The following ST3GAL6 variants were observed in gnomAD, a reference collection of about 807,000 sequenced individuals.
ST3GAL6 encodes the protein type 2 lactosamine alpha-2,3-sialyltransferase.
Under a neutral mutation model 40.5 loss-of-function variants are expected in ST3GAL6, and 31 were observed. The observed-to-expected ratio is 0.77, with a 90% CI of 0.58 to 1.03. The LOEUF (loss-of-function observed/expected upper bound fraction) is 1.03. ST3GAL6 is among the 50% of genes least tolerant of loss of function. The pLI, the probability that ST3GAL6 is intolerant of heterozygous loss-of-function variation, is 0.00. For missense variants in ST3GAL6, 357 were observed against 393.2 expected (o/e 0.91, Z 0.78); for synonymous variants, 129 against 136.9 (o/e 0.94, Z 0.40).
At chr3:98,764,606 G>T (rs899316139) in intron 1 of ST3GAL6, among the ~76,000 whole-genome samples, 9 of 152,304 alleles carry the variant, frequency 5.9e-5, no homozygotes, top group South Asian at 4.1e-4. Context: ...TCACATCTAG[G>T]GGGAGGTAGT....
At chr3:98,776,444 G>T (rs1011322534) in intron 5 of ST3GAL6, among the ~76,000 whole-genome samples, 6 of 152,308 alleles carry the variant, frequency 3.9e-5, no homozygotes, top group African/African-American at 1.2e-4. Context: ...ACTGCCTTTG[G>T]CAGGAGAGTC....
intron 6 of ST3GAL6, among the ~76,000 whole-genome samples, chr3:98,786,549 G>T (rs559817846): frequency 2.6e-5 from 4 of 152,300 alleles, no homozygotes; most frequent in African/African-American, 7.2e-5. Context: ...GCTGGACTAG[G>T]TCGAAGAGGG....
At chr3:98,733,530 C>T (rs902565234) in intron 1 of ST3GAL6, 5 of 985,738 alleles carry the variant, frequency 5.1e-6, no homozygotes, top group Admixed American at 1.2e-4. Flanking sequence ...CCCTTTTTCC[C>T]TCCACAATGG....
chr3:98,787,933 T>TAA, intron 6 of ST3GAL6, 103 bp from the exon 7 acceptor site: 3 of 1,006,466 alleles, frequency 3.0e-6, no homozygotes, highest in Non-Finnish European at 4.3e-6. Context: ...GAGCACAGGA[T>TAA]AAAAGGCTGA....
chr3:98,774,348 C>G (rs1302450944), intron 5 of ST3GAL6, among the ~76,000 whole-genome samples: 2 of 152,158 alleles, frequency 1.3e-5, no homozygotes, highest in East Asian at 3.9e-4. Context: ...ATGCATCCTC[C>G]AAACTACTGA....
chr3:98,776,765 G>C (rs1213498433), intron 5 of ST3GAL6, among the ~76,000 whole-genome samples: 1 of 152,132 alleles, frequency 6.6e-6, no homozygotes, highest in South Asian at 2.1e-4. Flanking sequence ...CATCCTCTTT[G>C]TCCCTTCTAG....
intron 1 of ST3GAL6, among the ~76,000 whole-genome samples, chr3:98,746,067 A>G (rs752004754): frequency 3.3e-5 from 5 of 152,142 alleles, no homozygotes; most frequent in Non-Finnish European, 5.9e-5. Context: ...GGTTGGATAG[A>G]TGGATGGATG....
At chr3:98,790,553 C>T (rs1941111075) in intron 8 of ST3GAL6, among the ~76,000 whole-genome samples, 1 of 152,154 alleles carries the variant, frequency 6.6e-6, no homozygotes, top group South Asian at 2.1e-4. Flanking sequence ...ATTTACTAGT[C>T]AAACGTAACT....
intron 1 of ST3GAL6, chr3:98,733,737 A>T (rs1198131624): frequency 6.0e-6 from 3 of 502,852 alleles, no homozygotes; most frequent in Non-Finnish European, 7.7e-6. Flanking sequence ...AAGAAAACCT[A>T]TAAAAAGCGA....
intron 1 of ST3GAL6, among the ~76,000 whole-genome samples, 175 bp from the exon 2 acceptor site, chr3:98,768,255 A>G (rs549108270): frequency 1.9e-4 from 28 of 147,572 alleles, no homozygotes; most frequent in African/African-American, 6.2e-4. Flanking sequence ...GAGACAGAAA[A>G]AACATTATCT....
intron 5 of ST3GAL6, chr3:98,782,135 G>A (rs993368748): frequency 3.0e-6 from 2 of 659,520 alleles, no homozygotes; most frequent in East Asian, 2.7e-5. Flanking sequence ...GATAAAGTTG[G>A]CTTTCTAGAA....
At chr3:98,782,060 G>C (rs1027377818) in intron 5 of ST3GAL6, 2 of 594,838 alleles carry the variant, frequency 3.4e-6, no homozygotes, top group Non-Finnish European at 6.0e-6. Flanking sequence ...TGAGAGGAAA[G>C]GGTTTTGAAT....
chr3:98,750,087 C>T (rs1030601573), intron 1 of ST3GAL6, among the ~76,000 whole-genome samples: 2 of 152,042 alleles, frequency 1.3e-5, no homozygotes, highest in African/African-American at 4.8e-5. Flanking sequence ...ACAGAAATCC[C>T]TGGAAAAATT....
At chr3:98,752,444 A>T (rs1051550710) in intron 1 of ST3GAL6, among the ~76,000 whole-genome samples, 1 of 151,190 alleles carries the variant, frequency 6.6e-6, no homozygotes, top group Non-Finnish European at 1.5e-5. Context: ...TAAAATATAT[A>T]TTTTTTTCTT....
At chr3:98,783,537 T>G (rs1667006223) in intron 5 of ST3GAL6, 1 of 979,600 alleles carries the variant, frequency 1.0e-6, no homozygotes, top group African/African-American at 1.8e-5. Flanking sequence ...TGTCTGACAT[T>G]GATTTCATTT....
At position 98,782,117 on chromosome 3, in the gene ST3GAL6, G is replaced by C. The variant is rs985774858; in HGVS notation, c.336-2828G>C. The C allele has an allele frequency of 2.3e-5, 15 of 646,114 alleles. No homozygotes were observed. In the African/African-American group the frequency reaches 2.4e-4, roughly 10 times the overall value. The allele number at this position is 646,114 out of a possible 1,614,324, so 40.0% of individuals were successfully genotyped here. ...CCATACTACATGGCCCCACAGCAGAGAGCCTTTGATAAAGTTGGCTTTCTA... is the reference window on the plus strand; with the variant it reads ...CCATACTACATGGCCCCACAGCAGACAGCCTTTGATAAAGTTGGCTTTCTA... On this transcript the variant is annotated intron_variant, in intron 5 of 9. Transcript: ENST00000483910.
At position 98,787,190 on chromosome 3, in the gene ST3GAL6, G is replaced by A. The variant is rs140366365; in HGVS notation, c.432-846G>A. Among the ~76,000 whole-genome samples the A allele has an allele frequency of 4.4e-3, 667 of 152,150 alleles. 28 individuals are homozygous for A. The highest frequency in any genetic ancestry group is 0.039 in the Admixed American group (599 of 15,280). On this transcript the variant is annotated intron_variant, in intron 6 of 9. Coordinates refer to ENST00000483910, the MANE Select transcript of ST3GAL6 (RefSeq NM_001323368.2). ...ACAAAACAATTTTGAAGCAATCACA[G>A]GTTTCTCTACCCATAATTGTCTAAA... is the stretch of plus-strand genomic sequence containing the variant.
At chr3:98,776,131 A>T (rs1939528492) in intron 5 of ST3GAL6, among the ~76,000 whole-genome samples, 1 of 152,220 alleles carries the variant, frequency 6.6e-6, no homozygotes, top group African/African-American at 2.4e-5. Flanking sequence ...TTTGCATAGC[A>T]CTTTTCAGAG....
intron 1 of ST3GAL6, among the ~76,000 whole-genome samples, chr3:98,742,740 C>A (rs189813626): frequency 6.7e-6 from 1 of 150,150 alleles, no homozygotes; most frequent in South Asian, 2.1e-4. Context: ...CTCTTGTTGC[C>A]CAGGCAAGAG....
Sources: gnomAD v4.1 joint callset for allele counts (sites outside exome capture counted in the v4.1 genomes callset) on GRCh38, gnomAD v4.1.1 for gene constraint, MANE v1.5 for transcripts, NCBI Gene and HGNC (gene_info 2026-07-23, HGNC 2026-07-21) for gene names.